Variants in FBXL17 observed in about 807,000 individuals in gnomAD.
FBXL17 encodes the protein F-box and leucine rich repeat protein 17.
In FBXL17, 22 loss-of-function variants were observed where a neutral mutation model predicts 66.2. The observed-to-expected ratio is 0.33, with a 90% CI of 0.24 to 0.47. The LOEUF is 0.47. Among genes scored for constraint, FBXL17 ranks in the 20% least tolerant of loss-of-function variants. FBXL17 has a pLI of 1.00. For missense variants in FBXL17, 878 were observed against 948.2 expected, an observed-to-expected ratio of 0.93 and a Z score of 0.97; for synonymous variants, 474 against 400.5, an observed-to-expected ratio of 1.18 and a Z score of -2.19.
intron 7 of FBXL17, among the ~76,000 whole-genome samples, chr5:107,974,559 A>T (rs1384678252): frequency 6.6e-6 from 1 of 152,210 alleles, no homozygotes; most frequent in Non-Finnish European, 1.5e-5. Context: ...GGATCTAAAT[A>T]ACACACCTAG....
chr5:107,931,832 A>G (rs895718865), intron 7 of FBXL17, among the ~76,000 whole-genome samples: 2 of 152,202 alleles, frequency 1.3e-5, no homozygotes, highest in African/African-American at 2.4e-5. Flanking sequence ...TGCCATTTCT[A>G]TTAACATAAC....
intron 5 of FBXL17, among the ~76,000 whole-genome samples, chr5:108,187,468 A>C (rs1426259416): frequency 6.6e-6 from 1 of 152,226 alleles, no homozygotes. Flanking sequence ...CAGTGTAATC[A>C]CTGGAGACCC....
intron 4 of FBXL17, among the ~76,000 whole-genome samples, chr5:108,314,893 GGTAA>G (rs1311627696): frequency 6.6e-6 from 1 of 151,012 alleles, no homozygotes; most frequent in Non-Finnish European, 1.5e-5. Context: ...TAATTTAGTA[GGTAA>G]GTTTTATGTC....
chr5:108,213,401 C>G (rs151179432), intron 5 of FBXL17, among the ~76,000 whole-genome samples: 2 of 152,322 alleles, frequency 1.3e-5, no homozygotes, highest in East Asian at 3.9e-4. Flanking sequence ...CAGTTTTGTG[C>G]TTGAAACCCA....
Position 107,889,972 on chromosome 5 carries a change from G to A in FBXL17, c.1823-8793C>T, listed in dbSNP as rs142986877. Among the ~76,000 whole-genome samples, 95 of 152,084 alleles carry A rather than the reference G, an allele frequency of 6.2e-4. 1 individual carries two copies. The East Asian group carries it at 0.01, about 16-fold the overall frequency. ...GTTTTCAGTGGTGCTGTATTTGGTG[G>A]GAACCAACCCTTTGAGTAGAATGTT... On this transcript the variant is annotated intron_variant, in intron 7 of 8. Transcript: ENST00000542267.
In FBXL17 at chr5:107,975,341, T is replaced by C. The variant is rs1752535772; in HGVS notation, c.1822+45584A>G. On this transcript the variant is annotated intron_variant, in intron 7 of 8. Transcript: ENST00000542267. The stretch of plus-strand genomic sequence containing the variant: ...GACTTCTCTACAGTTATCTTATTTT[T>C]CATTATATAATGTTCTTAATATATG... 1.3e-5 allele frequency among the ~76,000 whole-genome samples: 2 copies of C among 152,206 alleles called. 1 individual carries two copies. The highest frequency in any genetic ancestry group is 4.1e-4 in the South Asian group (2 of 4,838).
chr5:108,277,615 A>AATC (rs1036023432), intron 4 of FBXL17, among the ~76,000 whole-genome samples: 1 of 152,210 alleles, frequency 6.6e-6, no homozygotes, highest in Non-Finnish European at 1.5e-5. Flanking sequence ...TCATTCTGAA[A>AATC]AGAGCTTAGA....
chr5:108,249,628 A>C (rs1357412666), intron 4 of FBXL17, among the ~76,000 whole-genome samples: 1 of 152,112 alleles, frequency 6.6e-6, no homozygotes, highest in Non-Finnish European at 1.5e-5. Flanking sequence ...GAAAAAGAAA[A>C]AGGAGTTTTG....
In FBXL17 at chr5:108,012,675, T is replaced by G. The variant is rs1754221941; in HGVS notation, c.1822+8250A>C. Among the ~76,000 whole-genome samples, 3 of 152,190 alleles carry G rather than the reference T, an allele frequency of 2.0e-5. No homozygotes were observed. The South Asian group carries it at 6.2e-4, about 32-fold the overall frequency. On this transcript the variant is annotated intron_variant, in intron 7 of 8. Transcript: ENST00000542267. ...GTGTTACGCACAAATTATGTAAACC[T>G]GAAGCTATCCAGGTCTCAGTTTCCA... is the stretch of plus-strand genomic sequence containing the variant.
At chr5:108,023,500 A>C (rs965957035) in intron 6 of FBXL17, among the ~76,000 whole-genome samples, 3 of 152,112 alleles carry the variant, frequency 2.0e-5, no homozygotes, top group African/African-American at 7.2e-5. Context: ...GCTAGTGTCT[A>C]AAGTCTCGTA....
chr5:108,158,974 G>C (rs560011285), intron 6 of FBXL17, among the ~76,000 whole-genome samples: 1 of 152,176 alleles, frequency 6.6e-6, no homozygotes, highest in African/African-American at 2.4e-5. Flanking sequence ...TCAAAAAGTG[G>C]AAGATACACC....
intron 4 of FBXL17, among the ~76,000 whole-genome samples, chr5:108,254,342 G>T (rs1320516473): frequency 6.6e-6 from 1 of 152,120 alleles, no homozygotes; most frequent in Non-Finnish European, 1.5e-5. Flanking sequence ...TATTTTAGAG[G>T]AGACAAGAAA....
At chr5:108,170,675 A>C (rs922216072) in intron 6 of FBXL17, among the ~76,000 whole-genome samples, 2 of 152,076 alleles carry the variant, frequency 1.3e-5, no homozygotes, top group Non-Finnish European at 2.9e-5. Context: ...CTGGGACTAT[A>C]AGTGTCTGCC....
intron 7 of FBXL17, among the ~76,000 whole-genome samples, chr5:107,927,465 T>A (rs1299371229): frequency 6.6e-6 from 1 of 152,146 alleles, no homozygotes; most frequent in Non-Finnish European, 1.5e-5. Context: ...TTGAGCAGCC[T>A]ATGTGCTCAA....
chr5:108,009,818 G>A (rs1754108192), intron 7 of FBXL17, among the ~76,000 whole-genome samples: 4 of 152,164 alleles, frequency 2.6e-5, no homozygotes, highest in Admixed American at 2.6e-4. Flanking sequence ...TCATCAATCT[G>A]TCTGGTTCTT....
At chr5:107,948,911 G>A (rs1410781883) in intron 7 of FBXL17, among the ~76,000 whole-genome samples, 1 of 152,126 alleles carries the variant, frequency 6.6e-6, no homozygotes, top group Admixed American at 6.5e-5. Context: ...CAGAGCATTC[G>A]CTCTGTGTGT....
At chr5:108,126,631 G>GTCTGTCTCTCTCTCTCTCTC (rs1750708019) in intron 6 of FBXL17, among the ~76,000 whole-genome samples, 1 of 112,576 alleles carries the variant, frequency 8.9e-6, no homozygotes, top group Non-Finnish European at 1.9e-5. Context: ...CTGTCTCTCT[G>GTCTGTCTCTCTCTCTCTCTC]TCTCTCTCTC....
chr5:108,276,816 A>G (rs1356992954), intron 4 of FBXL17, among the ~76,000 whole-genome samples: 1 of 152,172 alleles, frequency 6.6e-6, no homozygotes, highest in African/African-American at 2.4e-5. Flanking sequence ...GAAATGATGT[A>G]TGGGTGGTTA....
chr5:108,013,436 T>C (rs1383754653), intron 7 of FBXL17, among the ~76,000 whole-genome samples: 1 of 152,226 alleles, frequency 6.6e-6, no homozygotes, highest in African/African-American at 2.4e-5. Context: ...ACACCTGTTC[T>C]TGCTCTGAGC....
Sources: gnomAD v4.1 joint callset for allele counts (sites outside exome capture counted in the v4.1 genomes callset) on GRCh38, gnomAD v4.1.1 for gene constraint, MANE v1.5 for transcripts, NCBI Gene and HGNC (gene_info 2026-07-23, HGNC 2026-07-21) for gene names.